The following LRBA variants were observed in gnomAD, a reference collection of about 807,000 sequenced individuals.
LRBA encodes the protein LPS responsive beige-like anchor protein.
In LRBA, 176 loss-of-function variants were observed where a neutral mutation model predicts 330.0. The observed-to-expected ratio is 0.53, with a 90% confidence interval of 0.47 to 0.60. LRBA has a LOEUF of 0.60. Ranked by LOEUF, LRBA falls within the 20% of genes least tolerant of loss-of-function variation. The pLI is 0.00. For missense variants in LRBA, 3,259 were observed against 3,444.8 expected (o/e 0.95, Z 1.35); for synonymous variants, 1,230 against 1,193.0 (o/e 1.03, Z -0.64).
At chr4:150,571,183 T>C (rs59515357) in intron 40 of LRBA, among the ~76,000 whole-genome samples, 9,287 of 152,008 alleles carry the variant, frequency 0.061, 456 homozygotes, top group East Asian at 0.18. Flanking sequence ...TTCTGCAGCT[T>C]CTTTTTTTTT....
chr4:150,613,912 GT>G lies in LRBA; in HGVS notation c.5922-14782del, dbSNP rs1294944356. On this transcript the variant is annotated intron_variant, in intron 37 of 56. Transcript: ENST00000651943. Reference sequence around the variant, plus strand: ...AGAGGAAGGGAAAACTCTGAAGACAGTATTCCCTACTCTGATTCAGCCTGTT... The same window carrying G: ...AGAGGAAGGGAAAACTCTGAAGACAGATTCCCTACTCTGATTCAGCCTGTT... 3.1e-3 allele frequency among the ~76,000 whole-genome samples: 474 copies of G among 152,316 alleles called. 2 individuals carry two copies. The highest frequency in any genetic ancestry group is 0.023 in the South Asian group (110 of 4,826).
intron 17 of LRBA, among the ~76,000 whole-genome samples, chr4:150,876,533 G>A (rs1443466413): frequency 1.8e-4 from 28 of 152,144 alleles, no homozygotes; most frequent in African/African-American, 7.2e-5. Context: ...AACCACACAA[G>A]CCAGGAGACA....
At chr4:150,424,631 A>ACG (rs762500315) in intron 46 of LRBA, among the ~76,000 whole-genome samples, 1 of 150,430 alleles carries the variant, frequency 6.6e-6, no homozygotes, top group African/African-American at 2.4e-5. Flanking sequence ...GCACACACGC[A>ACG]CACACACACA....
At chr4:150,833,315 G>A (rs1263522432) in intron 28 of LRBA, among the ~76,000 whole-genome samples, 2 of 151,598 alleles carry the variant, frequency 1.3e-5, no homozygotes, top group Non-Finnish European at 2.9e-5. Context: ...GTTTGAACTT[G>A]TTAATTTAAA....
In LRBA at chr4:150,583,433, T is replaced by C; in HGVS notation, c.6330+4615A>G. The C allele has an allele frequency of 2.5e-6, 4 of 1,613,914 alleles. No homozygotes were observed. Among genetic ancestry groups the C allele is most frequent in the Non-Finnish European group, 3.4e-6 (4 of 1,180,030 alleles). ...AAGATCCGCTCGCGTTTCCAGACGC[T>C]GGTGGCCCAGGCGGTGGACAAGTGC... is the stretch of plus-strand genomic sequence containing the variant. On this transcript the variant is annotated intron_variant, in intron 40 of 56. Coordinates refer to ENST00000651943, the MANE Select transcript of LRBA (RefSeq NM_001364905.1). This position sits in a 1 kb window ranked among gnomAD's most constrained non-coding sequence, Gnocchi z 9.8.
At chr4:150,267,814 C>T (rs1392265858) in intron 56 of LRBA, among the ~76,000 whole-genome samples, 2 of 152,140 alleles carry the variant, frequency 1.3e-5, no homozygotes, top group South Asian at 2.1e-4. Flanking sequence ...AATCCCAGCA[C>T]TTTGGGAGGC....
intron 36 of LRBA, among the ~76,000 whole-genome samples, chr4:150,731,821 A>C (rs1214296915): frequency 6.6e-6 from 1 of 152,202 alleles, no homozygotes; most frequent in East Asian, 1.9e-4. Flanking sequence ...TTAATTGTGC[A>C]TTTTAAAGCA....
chr4:150,514,095 G>A (rs1006551286), intron 40 of LRBA, among the ~76,000 whole-genome samples: 1 of 152,016 alleles, frequency 6.6e-6, no homozygotes, highest in African/African-American at 2.4e-5. Flanking sequence ...TTTTTGAGAT[G>A]GAGTTTCACT....
chr4:151,005,041 G>A (rs1743848246), intron 2 of LRBA, among the ~76,000 whole-genome samples: 2 of 151,964 alleles, frequency 1.3e-5, no homozygotes, highest in Admixed American at 6.6e-5. Context: ...GGAGGAGAGG[G>A]AAATAGTCAA....
intron 44 of LRBA, among the ~76,000 whole-genome samples, chr4:150,462,499 A>C (rs981091585): frequency 2.0e-5 from 3 of 151,814 alleles, no homozygotes; most frequent in African/African-American, 7.2e-5. Flanking sequence ...ACACTGCTCC[A>C]TTCAGACTTT....
At chr4:150,844,472 G>T (rs1749558925) in intron 27 of LRBA, among the ~76,000 whole-genome samples, 186 bp downstream of exon 27, 1 of 151,308 alleles carries the variant, frequency 6.6e-6, no homozygotes, top group Admixed American at 6.6e-5. Flanking sequence ...AAAGCAGAGA[G>T]GTTTAAATAT....
At chr4:150,847,273 T>C (rs1749980609) in intron 26 of LRBA, among the ~76,000 whole-genome samples, 1 of 152,178 alleles carries the variant, frequency 6.6e-6, no homozygotes, top group Admixed American at 6.5e-5. Context: ...AGTCAATAAA[T>C]GATAACTTTT....
At chr4:150,745,292 T>C (rs1405727395) in intron 35 of LRBA, among the ~76,000 whole-genome samples, 1 of 152,188 alleles carries the variant, frequency 6.6e-6, no homozygotes, top group Non-Finnish European at 1.5e-5. Flanking sequence ...TGGGAATTTG[T>C]TATAAAATAA....
At chr4:150,792,985 CAGG>C (rs1310772700) in intron 34 of LRBA, among the ~76,000 whole-genome samples, 1 of 151,942 alleles carries the variant, frequency 6.6e-6, no homozygotes, top group Non-Finnish European at 1.5e-5. Context: ...GTGGCTGAGG[CAGG>C]AGAATAGCTT....
chr4:150,616,006 T>C (rs1172247473), intron 37 of LRBA, among the ~76,000 whole-genome samples: 9 of 152,154 alleles, frequency 5.9e-5, no homozygotes, highest in African/African-American at 2.2e-4. Context: ...CAGAAACATG[T>C]TATAAAATTT....
intron 34 of LRBA, among the ~76,000 whole-genome samples, chr4:150,790,392 A>G (rs1016141956): frequency 6.6e-6 from 1 of 152,166 alleles, no homozygotes; most frequent in African/African-American, 2.4e-5. Context: ...TTTTAAATCA[A>G]TATTATGGAA....
intron 40 of LRBA, among the ~76,000 whole-genome samples, chr4:150,517,007 T>C (rs1029557862): frequency 1.2e-4 from 18 of 152,320 alleles, no homozygotes; most frequent in African/African-American, 4.1e-4. Context: ...TTATGATGTA[T>C]CTTCTTCAGT....
At chr4:150,414,540 G>A (rs1747456991) in intron 47 of LRBA, among the ~76,000 whole-genome samples, 1 of 151,774 alleles carries the variant, frequency 6.6e-6, no homozygotes, top group African/African-American at 2.4e-5. Flanking sequence ...ACCCAGGCTG[G>A]AGTACAATGG....
At chr4:150,334,524 T>C (rs551415831) in intron 48 of LRBA, among the ~76,000 whole-genome samples, 2 of 152,270 alleles carry the variant, frequency 1.3e-5, no homozygotes, top group South Asian at 4.1e-4. Flanking sequence ...AACACACATA[T>C]ACTTACATGT....
Sources: allele counts gnomAD v4.1 joint callset (sites outside exome capture counted in the v4.1 genomes callset), GRCh38; gene constraint gnomAD v4.1.1; non-coding constraint Gnocchi (gnomAD v3.1); transcripts MANE v1.5; gene names NCBI Gene and HGNC (gene_info 2026-07-23, HGNC 2026-07-21).